The following PALM2AKAP2 variants were observed in gnomAD, a reference collection of about 807,000 sequenced individuals.
PALM2AKAP2 encodes the protein PALM2 and AKAP2 fusion, also known as PALM2-AKAP2 fusion protein.
A neutral mutation model predicts 71.5 loss-of-function variants in PALM2AKAP2; 37 were observed. The observed-to-expected ratio is 0.52, with a 90% CI of 0.40 to 0.68. The LOEUF (loss-of-function observed/expected upper bound fraction) is 0.68, where lower values mean the gene tolerates loss of function less well. PALM2AKAP2 is among the 30% of genes least tolerant of loss of function. The probability of loss-of-function intolerance (pLI) is 0.00; values close to 1 mark genes in which losing one functional copy is unlikely to be tolerated. For missense variants in PALM2AKAP2, 1,224 were observed against 1,191.8 expected, an observed-to-expected ratio of 1.03 and a Z score of -0.40; for synonymous variants, 468 against 478.8, an observed-to-expected ratio of 0.98 and a Z score of 0.29.
intron 1 of PALM2AKAP2, among the ~76,000 whole-genome samples, chr9:109,653,176 C>T (rs1348608973): frequency 6.6e-6 from 1 of 152,132 alleles, no homozygotes; most frequent in Non-Finnish European, 1.5e-5. Context: ...ATGCCTGCCC[C>T]CTTGAGGAAT....
At chr9:109,835,005 A>G (rs889204966) in intron 1 of PALM2AKAP2, among the ~76,000 whole-genome samples, 7 of 152,136 alleles carry the variant, frequency 4.6e-5, no homozygotes, top group African/African-American at 1.7e-4. Flanking sequence ...ACCGAATGCC[A>G]GGAGGGGTCT....
At chr9:109,934,844 A>G (rs542269601) in intron 6 of PALM2AKAP2, among the ~76,000 whole-genome samples, 7 of 152,352 alleles carry the variant, frequency 4.6e-5, no homozygotes, top group African/African-American at 1.7e-4. Context: ...CTGTTCATAC[A>G]TAGAAGGACC....
chr9:109,867,491 G>A, exon 2 of PALM2AKAP2: 1 of 1,609,762 alleles, frequency 6.2e-7, no homozygotes, highest in South Asian at 1.1e-5. Flanking sequence ...TATTTTCAAG[G>A]AAAAAAGAAA....
intron 3 of PALM2AKAP2, among the ~76,000 whole-genome samples, chr9:109,897,607 A>G (rs547845978): frequency 3.3e-5 from 5 of 152,266 alleles, no homozygotes; most frequent in South Asian, 2.1e-4. Flanking sequence ...GTATTTGACA[A>G]TGACGATAGC....
At chr9:109,663,481 A>G in intron 1 of PALM2AKAP2, among the ~76,000 whole-genome samples, 1 of 152,138 alleles carries the variant, frequency 6.6e-6, no homozygotes, top group East Asian at 1.9e-4. Flanking sequence ...TTCAGTTTCC[A>G]TGTAGTTGTG....
intron 1 of PALM2AKAP2, among the ~76,000 whole-genome samples, chr9:110,119,141 G>A (rs1057101766): frequency 6.6e-6 from 1 of 151,852 alleles, no homozygotes; most frequent in Non-Finnish European, 1.5e-5. Context: ...TCAAGAGATC[G>A]AGACCATCCT....
chr9:109,789,645 C>A (rs1032082764), intron 1 of PALM2AKAP2, among the ~76,000 whole-genome samples: 3 of 152,074 alleles, frequency 2.0e-5, no homozygotes, highest in Non-Finnish European at 2.9e-5. Flanking sequence ...CCTAAGAGAA[C>A]GTGGAGACTG....
intron 1 of PALM2AKAP2, among the ~76,000 whole-genome samples, chr9:110,130,866 A>C (rs931217580): frequency 6.6e-6 from 1 of 152,206 alleles, no homozygotes; most frequent in Non-Finnish European, 1.5e-5. Context: ...ACAAATTTGA[A>C]CACCACCAAT....
At chr9:109,702,520 C>T (rs1587874016) in intron 1 of PALM2AKAP2, among the ~76,000 whole-genome samples, 1 of 150,752 alleles carries the variant, frequency 6.6e-6, no homozygotes, top group Non-Finnish European at 1.5e-5. Flanking sequence ...CATGTTCTCA[C>T]TCATAGGTGG....
intron 1 of PALM2AKAP2, among the ~76,000 whole-genome samples, chr9:109,720,904 AC>A (rs1371847449): frequency 6.6e-6 from 1 of 152,172 alleles, no homozygotes; most frequent in Non-Finnish European, 1.5e-5. Flanking sequence ...AGTAAGCCAA[AC>A]AGGTTACGTC....
intron 1 of PALM2AKAP2, among the ~76,000 whole-genome samples, chr9:109,723,123 T>A (rs1007306135): frequency 6.6e-6 from 1 of 152,176 alleles, no homozygotes; most frequent in Non-Finnish European, 1.5e-5. Context: ...GGCAACATCC[T>A]TGATCTTAGA....
intron 2 of PALM2AKAP2, among the ~76,000 whole-genome samples, chr9:109,878,680 T>G (rs1829771506): frequency 6.6e-6 from 1 of 152,178 alleles, no homozygotes; most frequent in Non-Finnish European, 1.5e-5. Context: ...ACCCCTGGAC[T>G]TCTCAATAGA....
At chr9:110,064,822 A>G (rs1350553251) in intron 1 of PALM2AKAP2, among the ~76,000 whole-genome samples, 3 of 152,136 alleles carry the variant, frequency 2.0e-5, no homozygotes, top group African/African-American at 7.2e-5. Context: ...TGATAAGGGA[A>G]ATGATGGATG....
At chr9:110,137,594 G>T (rs1354999680) in exon 2 of PALM2AKAP2, 1 of 1,614,026 alleles carries the variant, frequency 6.2e-7, no homozygotes, top group African/African-American at 1.3e-5. Context: ...TGATGACCAT[G>T]GGATTTTGGA....
chr9:110,025,084 A>G (rs1833152439), intron 7 of PALM2AKAP2: 1 of 1,076,042 alleles, frequency 9.3e-7, no homozygotes, highest in Non-Finnish European at 1.4e-6. Flanking sequence ...AATGTGCTCA[A>G]TATGCACATT....
chr9:110,033,557 C>T (rs1280792909), intron 7 of PALM2AKAP2, among the ~76,000 whole-genome samples: 1 of 152,174 alleles, frequency 6.6e-6, no homozygotes, highest in Non-Finnish European at 1.5e-5. Flanking sequence ...ATGAAGAAAT[C>T]AACACTTTGA....
intron 1 of PALM2AKAP2, among the ~76,000 whole-genome samples, chr9:109,719,662 A>G (rs933852515): frequency 4.6e-5 from 7 of 152,212 alleles, no homozygotes; most frequent in Admixed American, 1.3e-4. Flanking sequence ...CACAAGATCA[A>G]TGCTTTCAAA....
intron 1 of PALM2AKAP2, among the ~76,000 whole-genome samples, chr9:110,072,245 A>C (rs1017497564): frequency 1.3e-5 from 2 of 152,192 alleles, no homozygotes; most frequent in Non-Finnish European, 2.9e-5. Flanking sequence ...AGTCTTCATC[A>C]CTTTCCACAG....
chr9:110,136,020 C>T, intron 1 of PALM2AKAP2, 107 bp from the exon 8 acceptor site: 1 of 1,368,822 alleles, frequency 7.3e-7, no homozygotes, highest in African/African-American at 1.4e-5. Context: ...GAATTTGTCA[C>T]TGTGGTTTCC....
Sources: gnomAD v4.1 joint callset for allele counts (sites outside exome capture counted in the v4.1 genomes callset) on GRCh38, gnomAD v4.1.1 for gene constraint, MANE v1.5 for transcripts, NCBI Gene and HGNC (gene_info 2026-07-23, HGNC 2026-07-21) for gene names.